The following PIP5K1B variants were observed in gnomAD, a reference collection of about 807,000 sequenced individuals.
PIP5K1B encodes the protein phosphatidylinositol 4-phosphate 5-kinase type-1 beta.
Under a neutral mutation model 67.0 loss-of-function variants are expected in PIP5K1B, and 42 were observed. That is an observed-to-expected ratio of 0.63 (90% CI 0.49 to 0.81). The LOEUF (loss-of-function observed/expected upper bound fraction) is 0.81, where lower values mean the gene tolerates loss of function less well. Among genes scored for constraint, PIP5K1B ranks in the 30% least tolerant of loss-of-function variants. The probability of loss-of-function intolerance (pLI) is 0.00; values close to 1 mark genes in which losing one functional copy is unlikely to be tolerated. For missense variants in PIP5K1B, 459 were observed against 646.3 expected, an observed-to-expected ratio of 0.71 and a Z score of 3.14; for synonymous variants, 214 against 231.4, an observed-to-expected ratio of 0.92 and a Z score of 0.68.
rs1217416641 is a variant in PIP5K1B at position 68,823,962 on chromosome 9, AG to A, written c.69+1281del. 1.3e-5 allele frequency: 5 copies of A among 386,360 alleles called. No individual in the cohort carries two copies. In the East Asian group the frequency reaches 3.3e-4, roughly 25 times the overall value. 23.9% of individuals were successfully genotyped at this position (386,360 alleles called of 1,614,324 possible). A position where few individuals can be genotyped will look rare whatever the true frequency, so the allele number is the denominator to read the frequency against. On this transcript the variant is annotated intron_variant, in intron 4 of 15. Coordinates refer to ENST00000265382, the MANE Select transcript of PIP5K1B (RefSeq NM_003558.4). ...GCCAAACCTTGAAATACAAACTGGG[AG>A]GTTGTCATTCAAAGTGATGGTGTGG...
At chr9:68,994,239 G>A (rs940749312) in intron 15 of PIP5K1B, among the ~76,000 whole-genome samples, 15 of 151,664 alleles carry the variant, frequency 9.9e-5, no homozygotes, top group Non-Finnish European at 1.3e-4. Context: ...ACGGGGTTTC[G>A]CCATGTTGGT....
rs1214490610 is a variant in PIP5K1B, at chr9:68,705,493, T to C, written c.-512T>C. The C allele has an allele frequency of 6.6e-6, 1 of 151,120 alleles. No homozygotes were observed. The highest frequency in any genetic ancestry group is 2.0e-4 in the East Asian group (1 of 5,106). The allele number at this position is 151,120 out of a possible 1,614,324, so 9.4% of individuals were successfully genotyped here. A position where few individuals can be genotyped will look rare whatever the true frequency, so the allele number is the denominator to read the frequency against. ...CACACTCGCCGCGGCGCGCGCGCAC[T>C]GCACACTCGTAGCCGCGCGCCCCCG... is the stretch of plus-strand genomic sequence containing the variant. On this transcript the variant is annotated 5_prime_UTR_variant, in exon 1 of 16. Coordinates refer to ENST00000265382, the MANE Select transcript of PIP5K1B (RefSeq NM_003558.4).
chr9:68,983,034 T>C (rs1315471716), intron 14 of PIP5K1B, among the ~76,000 whole-genome samples: 2 of 152,218 alleles, frequency 1.3e-5, no homozygotes, highest in Admixed American at 6.5e-5. Flanking sequence ...TCTTCAGTAG[T>C]GCATATAACC....
At chr9:68,740,912 A>G (rs1388913496) in intron 1 of PIP5K1B, among the ~76,000 whole-genome samples, 2 of 152,220 alleles carry the variant, frequency 1.3e-5, no homozygotes, top group African/African-American at 4.8e-5. Flanking sequence ...TTGGTGTGTC[A>G]GAGGTCTTTT....
At chr9:68,718,765 A>C (rs1190489995) in intron 1 of PIP5K1B, among the ~76,000 whole-genome samples, 2 of 152,240 alleles carry the variant, frequency 1.3e-5, no homozygotes, top group Non-Finnish European at 2.9e-5. Context: ...CAGGAATGCA[A>C]GGCTCTTTGC....
intron 7 of PIP5K1B, among the ~76,000 whole-genome samples, chr9:68,890,190 G>C (rs1050114333): frequency 2.6e-5 from 4 of 152,152 alleles, no homozygotes; most frequent in African/African-American, 9.7e-5. Flanking sequence ...AATTTCATGG[G>C]TAAATGTGAT....
At chr9:68,856,815 A>G (rs543030824) in intron 4 of PIP5K1B, among the ~76,000 whole-genome samples, 2 of 152,334 alleles carry the variant, frequency 1.3e-5, no homozygotes, top group South Asian at 4.1e-4. Context: ...GCCAGGGTCA[A>G]TCCTGAAGTA....
intron 2 of PIP5K1B, among the ~76,000 whole-genome samples, chr9:68,770,126 G>A (rs2132419297): frequency 6.6e-6 from 1 of 152,298 alleles, no homozygotes; most frequent in Non-Finnish European, 1.5e-5. Flanking sequence ...AGCACTCATG[G>A]AATAGAAAGG....
chr9:68,906,676 G>T (rs528790548), intron 8 of PIP5K1B, among the ~76,000 whole-genome samples: 1 of 152,320 alleles, frequency 6.6e-6, no homozygotes, highest in Admixed American at 6.5e-5. Context: ...TGGCTGGAAT[G>T]ATTCTACATC....
At chr9:68,909,013 T>C (rs1196043858) in intron 8 of PIP5K1B, among the ~76,000 whole-genome samples, 2 of 152,212 alleles carry the variant, frequency 1.3e-5, no homozygotes, top group African/African-American at 4.8e-5. Context: ...AGATGGAACA[T>C]AGCAAGTTTT....
intron 4 of PIP5K1B, among the ~76,000 whole-genome samples, chr9:68,825,600 C>G (rs953852246): frequency 3.3e-5 from 5 of 152,172 alleles, no homozygotes; most frequent in Non-Finnish European, 1.5e-5. Flanking sequence ...CACAGATTTA[C>G]TAAGAAGCTT....
intron 14 of PIP5K1B, chr9:68,941,154 T>A (rs529251870): frequency 6.5e-6 from 3 of 459,820 alleles, no homozygotes; most frequent in African/African-American, 6.0e-5. Flanking sequence ...TAATATTCTC[T>A]TTTGGTATGT....
At chr9:68,912,944 A>T (rs973359896) in intron 8 of PIP5K1B, among the ~76,000 whole-genome samples, 1 of 152,226 alleles carries the variant, frequency 6.6e-6, no homozygotes, top group Admixed American at 6.5e-5. Context: ...AGGAACACTC[A>T]TGCATCACCA....
chr9:68,953,976 A>G (rs942725941), intron 14 of PIP5K1B, among the ~76,000 whole-genome samples: 1 of 151,862 alleles, frequency 6.6e-6, no homozygotes, highest in African/African-American at 2.4e-5. Context: ...TCTGGCAGGA[A>G]CAGGTGTCTT....
chr9:68,831,400 G>A (rs147433354), intron 4 of PIP5K1B, among the ~76,000 whole-genome samples: 1 of 152,174 alleles, frequency 6.6e-6, no homozygotes, highest in East Asian at 1.9e-4. Flanking sequence ...ATACTATTAC[G>A]ACCATTTTAC....
rs1039047812 is a variant in PIP5K1B, at chr9:68,885,342, A to G, written c.319-3639A>G. Among the ~76,000 whole-genome samples, 9 of 152,240 alleles carry G rather than the reference A, an allele frequency of 5.9e-5. 1 individual carries two copies. In the South Asian group the frequency reaches 1.9e-3, roughly 31 times the overall value. ...ATAGAGAATAGGGAAAATGTTGGCGAATGGATATGAAGTCTGCTGGATGGA... is the reference window on the plus strand; with the variant it reads ...ATAGAGAATAGGGAAAATGTTGGCGGATGGATATGAAGTCTGCTGGATGGA... On this transcript the variant is annotated intron_variant, in intron 6 of 15. Transcript: ENST00000265382.
intron 1 of PIP5K1B, among the ~76,000 whole-genome samples, chr9:68,721,285 G>A (rs897601950): frequency 6.6e-6 from 1 of 152,200 alleles, no homozygotes; most frequent in African/African-American, 2.4e-5. Context: ...ACTGGAGATA[G>A]GGAGACTAAT....
chr9:68,770,870 T>A (rs1830644462), intron 2 of PIP5K1B, among the ~76,000 whole-genome samples: 1 of 151,950 alleles, frequency 6.6e-6, no homozygotes, highest in Non-Finnish European at 1.5e-5. Flanking sequence ...TGTAGATGCA[T>A]TTGAAGAATC....
At position 68,920,850 on chromosome 9, in the gene PIP5K1B, T is replaced by G. The variant is rs141917959; in HGVS notation, c.1116+1121T>G. Among the ~76,000 whole-genome samples the G allele has an allele frequency of 2.7e-5, 4 of 149,400 alleles. No homozygotes were observed. The East Asian group carries it at 8.0e-4, about 30-fold the overall frequency. Reference sequence around the variant, plus strand: ...CACACACGCAGTCCCATCTAGACATTAGATTTCTACTTCCTGCTACTAACA... The same window carrying G: ...CACACACGCAGTCCCATCTAGACATGAGATTTCTACTTCCTGCTACTAACA... On this transcript the variant is annotated intron_variant, in intron 11 of 15. Coordinates refer to ENST00000265382, the MANE Select transcript of PIP5K1B (RefSeq NM_003558.4).
Sources: allele counts gnomAD v4.1 joint callset (sites outside exome capture counted in the v4.1 genomes callset), GRCh38; gene constraint gnomAD v4.1.1; transcripts MANE v1.5; gene names NCBI Gene and HGNC (gene_info 2026-07-23, HGNC 2026-07-21).